DMD: variants seen among roughly 807,000 people sequenced by gnomAD.
DMD encodes mutant dystrophin.
DMD carries 63 observed loss-of-function variants against 330.1 expected under a neutral mutation model. The ratio of observed to expected loss-of-function variants is 0.19; its 90% CI spans 0.16 to 0.24. The LOEUF (loss-of-function observed/expected upper bound fraction) is 0.24, where lower values mean the gene tolerates loss of function less well. Among genes scored for constraint, DMD ranks in the 10% least tolerant of loss-of-function variants. The pLI is 1.00. For synonymous variants in DMD, 1,223 were observed against 959.8 expected, an observed-to-expected ratio of 1.27 and a Z score of -5.07; for missense variants, 3,344 against 2,684.1, an observed-to-expected ratio of 1.25 and a Z score of -5.43.
chrX:32,816,673 G>T, intron 5 of DMD, 33 bp from the exon 6 acceptor site: 1 of 1,180,072 alleles, frequency 8.5e-7, no homozygotes, highest in Non-Finnish European at 1.2e-6. Flanking sequence ...ATAAGAAAAT[G>T]CATTCCTTGA....
At chrX:32,538,722 T>C (rs1334788803) in intron 17 of DMD, among the ~76,000 whole-genome samples, 1 of 111,557 alleles carries the variant, frequency 9.0e-6, no homozygotes, top group Non-Finnish European at 1.9e-5. Flanking sequence ...TGGGACCTTG[T>C]TAGAAATTAA....
At chrX:31,646,797 T>G (rs925646988) in intron 54 of DMD, among the ~76,000 whole-genome samples, 2 of 112,023 alleles carry the variant, frequency 1.8e-5, no homozygotes, top group Non-Finnish European at 1.9e-5. Context: ...GCCATGCAAT[T>G]TCCAGAACTC....
chrX:32,206,619 AGAAAAAGGTGGTTCTCTTCCTAAAGT>A lies in DMD; in HGVS notation c.6438+10271_6438+10296del, dbSNP rs1226470611. 4.9e-6 allele frequency: 3 copies of A among 611,021 alleles called. No individual in the cohort carries two copies. The Admixed American group carries it at 7.0e-5, about 14-fold the overall frequency. 50.4% of individuals were successfully genotyped at this position (611,021 alleles called of 1,213,427 possible). On this transcript the variant is annotated intron_variant, in intron 44 of 78. Coordinates refer to ENST00000357033, the MANE Select transcript of DMD (RefSeq NM_004006.3). Reference sequence around the variant, plus strand: ...TTAAAGCAAAAATGCAAGCAAGTATAGAAAAAGGTGGTTCTCTTCCTAAAGTGGAAGCCAAGTTCATGAATTATGTG... The same window carrying A: ...TTAAAGCAAAAATGCAAGCAAGTATAGGAAGCCAAGTTCATGAATTATGTG...
chrX:31,129,400 T>C lies in DMD; in HGVS notation c.11015-2727A>G, dbSNP rs766197352. ...TCAATTCAATTTCAGCTCAATAATC[T>C]TGTTCAGCTGAAAGTTGATCAGCAC... On this transcript the variant is annotated intron_variant, in intron 77 of 78. Coordinates refer to ENST00000357033, the MANE Select transcript of DMD (RefSeq NM_004006.3). 7.4e-3 allele frequency among the ~76,000 whole-genome samples: 832 copies of C among 112,281 alleles called. 7 individuals are homozygous for C. Among genetic ancestry groups the C allele is most frequent in the Non-Finnish European group, 0.013 (692 of 53,182 alleles).
intron 44 of DMD, among the ~76,000 whole-genome samples, chrX:32,143,628 C>T (rs2096763968): frequency 9.2e-6 from 1 of 108,973 alleles, no homozygotes; most frequent in African/African-American, 3.3e-5. Flanking sequence ...CTGCAAGCTC[C>T]GCCTCCCGGG....
intron 29 of DMD, among the ~76,000 whole-genome samples, chrX:32,424,066 C>T (rs1462587131): frequency 5.4e-5 from 6 of 110,737 alleles, no homozygotes; most frequent in Non-Finnish European, 9.5e-5. Context: ...TGGGTTTCTT[C>T]CCCTCAAAAT....
chrX:32,004,436 T>A (rs777579862), intron 44 of DMD, among the ~76,000 whole-genome samples: 28 of 111,685 alleles, frequency 2.5e-4, no homozygotes, highest in Non-Finnish European at 4.7e-4. Context: ...AAATGTTGGG[T>A]TAAAGCAAAC....
chrX:31,756,989 C>A (rs868484929), intron 51 of DMD, among the ~76,000 whole-genome samples: 2 of 102,153 alleles, frequency 2.0e-5, no homozygotes, highest in Non-Finnish European at 4.0e-5. Context: ...GTTTGTTTTG[C>A]TTTTTTTTTT....
At chrX:32,994,715 G>A (rs750831426) in intron 2 of DMD, among the ~76,000 whole-genome samples, 9 of 111,488 alleles carry the variant, frequency 8.1e-5, no homozygotes, top group Non-Finnish European at 1.7e-4. Context: ...ACATAAGTTA[G>A]TGAGGTGATA....
intron 44 of DMD, among the ~76,000 whole-genome samples, chrX:31,986,757 C>T (rs941768967): frequency 8.9e-6 from 1 of 112,043 alleles, no homozygotes; most frequent in Non-Finnish European, 1.9e-5. Context: ...CTACACTGAG[C>T]TTTAAAAAGT....
chrX:31,904,823 A>G (rs1390129620), intron 47 of DMD, among the ~76,000 whole-genome samples: 1 of 111,871 alleles, frequency 8.9e-6, no homozygotes, highest in Non-Finnish European at 1.9e-5. Flanking sequence ...CTTCTGACCC[A>G]TATGTATCCT....
intron 37 of DMD, among the ~76,000 whole-genome samples, chrX:32,350,465 C>T (rs749196680): frequency 1.8e-5 from 2 of 110,958 alleles, no homozygotes; most frequent in Non-Finnish European, 3.8e-5. Flanking sequence ...GTCATTCAGG[C>T]GTAAAACGTA....
At chrX:31,981,103 T>G (rs753706996) in intron 44 of DMD, among the ~76,000 whole-genome samples, 1 of 111,963 alleles carries the variant, frequency 8.9e-6, no homozygotes, top group African/African-American at 3.2e-5. Flanking sequence ...AGGAACAGAC[T>G]TCGTGAACCA....
intron 7 of DMD, among the ~76,000 whole-genome samples, chrX:32,777,277 T>TGGGGGGGGGGGGTTGGGG (rs546914107): frequency 9.5e-4 from 2 of 2,113 alleles, no homozygotes; most frequent in African/African-American, 6.2e-3. Context: ...GGTTTCTGGT[T>TGGGGGGGGGGGGTTGGGG]GGGGGGGGAA....
chrX:31,996,329 T>C (rs2095586131), intron 44 of DMD, among the ~76,000 whole-genome samples: 1 of 111,535 alleles, frequency 9.0e-6, no homozygotes, highest in South Asian at 3.8e-4. Flanking sequence ...AAAAGAACAG[T>C]AGGTAATTTG....
intron 1 of DMD, among the ~76,000 whole-genome samples, chrX:33,083,159 C>T (rs2094955860): frequency 8.9e-6 from 1 of 111,750 alleles, no homozygotes; most frequent in African/African-American, 3.2e-5. Flanking sequence ...AACGGAGTGG[C>T]GTCTTACGAC....
chrX:32,868,878 A>ACC (rs952546758), intron 2 of DMD, among the ~76,000 whole-genome samples: 1 of 111,701 alleles, frequency 9.0e-6, no homozygotes, highest in Non-Finnish European at 1.9e-5. Context: ...AGGACAGCAA[A>ACC]CCCCCTCGAC....
chrX:32,833,013 A>G (rs1226697421), intron 4 of DMD, among the ~76,000 whole-genome samples: 1 of 111,806 alleles, frequency 8.9e-6, no homozygotes, highest in African/African-American at 3.2e-5. Flanking sequence ...ACTCACTACA[A>G]AGATACTATC....
chrX:32,510,128 G>A (rs966529923), intron 18 of DMD, among the ~76,000 whole-genome samples: 2 of 111,968 alleles, frequency 1.8e-5, no homozygotes, highest in African/African-American at 6.5e-5. Context: ...TCAACTCGCT[G>A]ACAGCTGAAT....
Sources: allele counts gnomAD v4.1 joint callset (sites outside exome capture counted in the v4.1 genomes callset), GRCh38; gene constraint gnomAD v4.1.1; transcripts MANE v1.5; gene names NCBI Gene and HGNC (gene_info 2026-07-23, HGNC 2026-07-21).